Variants in METTL21A observed in about 807,000 individuals in gnomAD.
The protein encoded by METTL21A is protein N-lysine methyltransferase METTL21A.
METTL21A carries 22 observed loss-of-function variants against 20.9 expected under a neutral mutation model. That is an observed-to-expected ratio of 1.05 (90% CI 0.75 to 1.50). The LOEUF is 1.50. Ranked by LOEUF, METTL21A falls within the 40% of genes most tolerant of loss-of-function variation. The probability of loss-of-function intolerance (pLI) is 0.00; values close to 1 mark genes in which losing one functional copy is unlikely to be tolerated. For synonymous variants in METTL21A, 93 were observed against 102.0 expected, an observed-to-expected ratio of 0.91 and a Z score of 0.53; for missense variants, 271 against 266.8, an observed-to-expected ratio of 1.02 and a Z score of -0.11.
intron 3 of METTL21A, among the ~76,000 whole-genome samples, chr2:207,596,473 A>T (rs1416056821): frequency 1.3e-5 from 2 of 152,126 alleles, no homozygotes; most frequent in Admixed American, 1.3e-4. Flanking sequence ...CACTCTTGTC[A>T]CTCAGGCTGG....
chr2:207,597,731 C>T (rs575752635), intron 3 of METTL21A: 2 of 204,978 alleles, frequency 9.8e-6, no homozygotes, highest in African/African-American at 4.6e-5. Context: ...GTTGTTGCTT[C>T]TTAATTCAGT....
At chr2:207,589,821 TATC>T (rs769217403) in intron 3 of METTL21A, among the ~76,000 whole-genome samples, 2 of 152,208 alleles carry the variant, frequency 1.3e-5, no homozygotes, top group Non-Finnish European at 2.9e-5. Flanking sequence ...GGTCATGAAG[TATC>T]ATTTATACAT....
intron 3 of METTL21A, 112 bp from the exon 4 acceptor site, chr2:207,613,555 T>C: frequency 1.0e-6 from 1 of 964,708 alleles, no homozygotes; most frequent in East Asian, 2.6e-5. Context: ...CTGATATGCA[T>C]AATATCAATC....
At chr2:207,597,102 G>T (rs372883715) in intron 3 of METTL21A, 1 of 1,542,582 alleles carries the variant, frequency 6.5e-7, no homozygotes. Context: ...AAATGGACTG[G>T]CTTGGCCACA....
intron 3 of METTL21A, among the ~76,000 whole-genome samples, chr2:207,616,031 G>A (rs144656610): frequency 1.9e-3 from 282 of 152,094 alleles, no homozygotes; most frequent in Middle Eastern, 6.8e-3. Flanking sequence ...TTACAGGCGT[G>A]AGCTACTGTA....
chr2:207,587,941 G>T (rs2084191949), intron 3 of METTL21A, among the ~76,000 whole-genome samples: 1 of 152,126 alleles, frequency 6.6e-6, no homozygotes, highest in Non-Finnish European at 1.5e-5. Flanking sequence ...CTAGAAGTGA[G>T]GATTTTGAAT....
chr2:207,608,338 C>T (rs2088446634), downstream of METTL21A, among the ~76,000 whole-genome samples: 1 of 152,146 alleles, frequency 6.6e-6, no homozygotes, highest in African/African-American at 2.4e-5. Flanking sequence ...CCCCAAGGAA[C>T]CTGACCTGCA....
chr2:207,588,399 T>C (rs536796396), intron 3 of METTL21A, among the ~76,000 whole-genome samples: 41 of 152,342 alleles, frequency 2.7e-4, no homozygotes, highest in African/African-American at 9.9e-4. Context: ...TCTTTGTGTC[T>C]GTCCTTTAGC....
exon 4 of METTL21A, chr2:207,613,149 G>A: frequency 6.2e-7 from 1 of 1,613,908 alleles, no homozygotes; most frequent in Non-Finnish European, 8.5e-7. Context: ...CTCCAGCATT[G>A]CTAAGAAGTT....
At chr2:207,602,314 G>A (rs1245661141) in intron 3 of METTL21A, 1 of 196,716 alleles carries the variant, frequency 5.1e-6, no homozygotes, top group Admixed American at 6.1e-5. Context: ...TTTTAGCACA[G>A]AAAGAAAATA....
intron 3 of METTL21A, chr2:207,597,394 T>G (rs2086347203): frequency 3.7e-6 from 1 of 272,462 alleles, no homozygotes; most frequent in Admixed American, 5.4e-5. Flanking sequence ...AAAAATGATT[T>G]CAAGGTTTGT....
chr2:207,586,815 A>G (rs1254077965), intron 3 of METTL21A, among the ~76,000 whole-genome samples: 1 of 152,234 alleles, frequency 6.6e-6, no homozygotes, highest in Non-Finnish European at 1.5e-5. Flanking sequence ...CAACATTACT[A>G]ATTGTCAGAT....
chr2:207,587,296 G>A (rs531039294), intron 3 of METTL21A, among the ~76,000 whole-genome samples: 3 of 151,956 alleles, frequency 2.0e-5, no homozygotes, highest in Non-Finnish European at 4.4e-5. Flanking sequence ...GGGAGGCTGA[G>A]GCAGGAGAAT....
At chr2:207,614,584 G>A (rs544642513) in intron 3 of METTL21A, among the ~76,000 whole-genome samples, 1 of 152,166 alleles carries the variant, frequency 6.6e-6, no homozygotes, top group African/African-American at 2.4e-5. Flanking sequence ...TTGAAAAATT[G>A]TAAGCTTAAA....
At chr2:207,620,085 A>G (rs2090302763) in intron 3 of METTL21A, among the ~76,000 whole-genome samples, 1 of 152,228 alleles carries the variant, frequency 6.6e-6, no homozygotes, top group Non-Finnish European at 1.5e-5. Context: ...GAGGAAACAG[A>G]AGAAACCTCA....
chr2:207,587,375 G>A (rs547513071), intron 3 of METTL21A, among the ~76,000 whole-genome samples: 24 of 149,138 alleles, frequency 1.6e-4, no homozygotes, highest in African/African-American at 5.4e-4. Flanking sequence ...CCTGGGTGAC[G>A]GAACGAGACT....
intron 3 of METTL21A, among the ~76,000 whole-genome samples, chr2:207,584,603 T>C (rs1032280546): frequency 6.6e-6 from 1 of 152,170 alleles, no homozygotes; most frequent in African/African-American, 2.4e-5. Context: ...GGTTTCGCCA[T>C]GTTGGCCAGG....
intron 3 of METTL21A, chr2:207,602,731 G>A (rs1208049132): frequency 4.3e-5 from 9 of 210,764 alleles, no homozygotes; most frequent in Non-Finnish European, 8.7e-5. Context: ...ACTCCAATTT[G>A]TGTATGTAAT....
downstream of METTL21A, chr2:207,580,855 A>G (rs774242591): frequency 1.3e-4 from 29 of 219,834 alleles, no homozygotes; most frequent in Non-Finnish European, 2.2e-4. Flanking sequence ...CCTGGGCTAG[A>G]TAGAGCAGCA....
Sources: gnomAD v4.1 joint callset for allele counts (sites outside exome capture counted in the v4.1 genomes callset) on GRCh38, gnomAD v4.1.1 for gene constraint, MANE v1.5 for transcripts, NCBI Gene and HGNC (gene_info 2026-07-23, HGNC 2026-07-21) for gene names.